PPP2R5E: variants seen among roughly 807,000 people sequenced by gnomAD.
PPP2R5E encodes protein phosphatase 2 regulatory subunit B'epsilon.
In PPP2R5E, 4 loss-of-function variants were observed where a neutral mutation model predicts 65.3. The ratio of observed to expected loss-of-function variants is 0.06; its 90% CI spans 0.03 to 0.14. The LOEUF (loss-of-function observed/expected upper bound fraction) is 0.14, where lower values mean the gene tolerates loss of function less well. Among genes scored for constraint, PPP2R5E ranks in the 10% least tolerant of loss-of-function variants. The pLI is 1.00. For synonymous variants in PPP2R5E, 183 were observed against 187.4 expected, an observed-to-expected ratio of 0.98 and a Z score of 0.19; for missense variants, 274 against 556.1, an observed-to-expected ratio of 0.49 and a Z score of 5.10.
intron 2 of PPP2R5E, among the ~76,000 whole-genome samples, chr14:63,488,732 C>A (rs1006642504): frequency 6.6e-6 from 1 of 151,818 alleles, no homozygotes; most frequent in Non-Finnish European, 1.5e-5. Context: ...ACCTGTAGTC[C>A]CAGCTACTCG....
At chr14:63,453,925 T>C (rs760209905) in intron 2 of PPP2R5E, 40 bp from the exon 3 acceptor site, 6 of 1,373,940 alleles carry the variant, frequency 4.4e-6, no homozygotes, top group Non-Finnish European at 5.8e-6. Flanking sequence ...CTGTCATCAA[T>C]TTCCAGGTAA....
intron 5 of PPP2R5E, among the ~76,000 whole-genome samples, chr14:63,409,069 T>G (rs1428795781): frequency 3.3e-5 from 5 of 152,012 alleles, no homozygotes; most frequent in African/African-American, 9.7e-5. Flanking sequence ...CCGTTACTAC[T>G]AAAAATACAA....
chr14:63,391,491 C>G (rs961194496), intron 10 of PPP2R5E, among the ~76,000 whole-genome samples: 4 of 152,142 alleles, frequency 2.6e-5, no homozygotes, highest in Non-Finnish European at 4.4e-5. Flanking sequence ...GGCACCATCT[C>G]GGCTCACTGC....
At chr14:63,521,062 A>G (rs139041639) in intron 2 of PPP2R5E, among the ~76,000 whole-genome samples, 6 of 151,958 alleles carry the variant, frequency 3.9e-5, no homozygotes, top group Admixed American at 3.9e-4. Flanking sequence ...AGAAAAACAC[A>G]TGCATATAAT....
chr14:63,393,416 G>C (rs897780413), intron 8 of PPP2R5E, among the ~76,000 whole-genome samples: 1 of 152,072 alleles, frequency 6.6e-6, no homozygotes, highest in African/African-American at 2.4e-5. Context: ...TTTCCTTTGG[G>C]AATGAAGGCG....
At chr14:63,425,821 T>C (rs1887300532) in intron 3 of PPP2R5E, among the ~76,000 whole-genome samples, 1 of 152,244 alleles carries the variant, frequency 6.6e-6, no homozygotes, top group African/African-American at 2.4e-5. Context: ...ATTTAAGTTA[T>C]TTCTAAGGAT....
At chr14:63,431,285 T>C (rs1360458760) in intron 3 of PPP2R5E, among the ~76,000 whole-genome samples, 1 of 151,508 alleles carries the variant, frequency 6.6e-6, no homozygotes, top group East Asian at 1.9e-4. Context: ...AAAAAGCATG[T>C]CCTTAACACC....
intron 2 of PPP2R5E, among the ~76,000 whole-genome samples, chr14:63,503,196 G>C (rs1434440268): frequency 4.6e-5 from 7 of 152,068 alleles, no homozygotes; most frequent in Admixed American, 3.9e-4. Context: ...TTTGGGAAAG[G>C]CATCATCAGA....
intron 2 of PPP2R5E, among the ~76,000 whole-genome samples, chr14:63,512,407 T>C (rs1892502306): frequency 1.3e-5 from 2 of 152,152 alleles, no homozygotes; most frequent in Non-Finnish European, 2.9e-5. Flanking sequence ...GTAAAAGCAT[T>C]TATGCTGTAT....
intron 1 of PPP2R5E, among the ~76,000 whole-genome samples, chr14:63,541,183 T>C (rs1893889056): frequency 6.6e-6 from 1 of 152,236 alleles, no homozygotes; most frequent in Non-Finnish European, 1.5e-5. Flanking sequence ...GCTAGATTAC[T>C]TTAAACAAAA....
chr14:63,415,633 C>T (rs1886646714), intron 4 of PPP2R5E, among the ~76,000 whole-genome samples: 1 of 151,964 alleles, frequency 6.6e-6, no homozygotes, highest in East Asian at 1.9e-4. Flanking sequence ...TATATTTTTA[C>T]AGTTTCACAG....
chr14:63,405,495 T>C (rs536791492), intron 5 of PPP2R5E, among the ~76,000 whole-genome samples: 2 of 152,346 alleles, frequency 1.3e-5, no homozygotes, highest in Non-Finnish European at 1.5e-5. Flanking sequence ...TTACAGTACC[T>C]TTCAGCTAAA....
intron 2 of PPP2R5E, among the ~76,000 whole-genome samples, chr14:63,493,929 T>C (rs1891414054): frequency 6.6e-6 from 1 of 152,170 alleles, no homozygotes; most frequent in Non-Finnish European, 1.5e-5. Context: ...TAGCTTTAAA[T>C]TTTAACTGTT....
At chr14:63,529,127 T>A (rs1893302675) in intron 2 of PPP2R5E, among the ~76,000 whole-genome samples, 1 of 152,114 alleles carries the variant, frequency 6.6e-6, no homozygotes, top group South Asian at 2.1e-4. Context: ...TTCCAGCTAA[T>A]TTTTTAATTT....
intron 2 of PPP2R5E, among the ~76,000 whole-genome samples, chr14:63,523,213 G>A (rs1326352904): frequency 2.6e-5 from 4 of 151,884 alleles, no homozygotes; most frequent in Non-Finnish European, 5.9e-5. Context: ...AGGTGTGCCC[G>A]GCAGCTCATT....
chr14:63,539,406 A>G (rs746335437), intron 2 of PPP2R5E, 123 bp downstream of exon 2: 46 of 1,038,734 alleles, frequency 4.4e-5, no homozygotes, highest in Non-Finnish European at 6.1e-5. Context: ...AGTAACTTCA[A>G]TGTATGTGAA....
At chr14:63,493,526 C>G (rs1891392295) in intron 2 of PPP2R5E, among the ~76,000 whole-genome samples, 1 of 151,554 alleles carries the variant, frequency 6.6e-6, no homozygotes, top group African/African-American at 2.4e-5. Context: ...GGGAGGGGAG[C>G]AAAAGAACCC....
chr14:63,495,787 T>C (rs1287551234), intron 2 of PPP2R5E, among the ~76,000 whole-genome samples: 1 of 151,858 alleles, frequency 6.6e-6, no homozygotes, highest in African/African-American at 2.4e-5. Flanking sequence ...ACCTCCTGCG[T>C]GCAAATGATC....
In PPP2R5E at chr14:63,410,583, T is replaced by G. The variant is rs914653212; in HGVS notation, c.549+4557A>C. On this transcript the variant is annotated intron_variant, in intron 5 of 13. Coordinates refer to ENST00000337537, the MANE Select transcript of PPP2R5E (RefSeq NM_006246.5). ...GAACCAAACTGGCCAGGAAGGGATC[T>G]CAGGAGAACCAGTTAAGAAATTAAG... Among the ~76,000 whole-genome samples the G allele has an allele frequency of 2.6e-5, 4 of 152,222 alleles. No homozygotes were observed. The East Asian group carries it at 7.7e-4, about 29-fold the overall frequency.
Sources: gnomAD v4.1 joint callset for allele counts (sites outside exome capture counted in the v4.1 genomes callset) on GRCh38, gnomAD v4.1.1 for gene constraint, MANE v1.5 for transcripts, NCBI Gene and HGNC (gene_info 2026-07-23, HGNC 2026-07-21) for gene names.